Variants in LCA5 observed in about 807,000 individuals in gnomAD.
The protein encoded by LCA5 is lebercilin LCA5, also known as lebercilin.
LCA5 carries 37 observed loss-of-function variants against 53.0 expected under a neutral mutation model. That is an observed-to-expected ratio of 0.70 (90% CI 0.54 to 0.92). The LOEUF is 0.92. Among genes scored for constraint, LCA5 ranks in the 40% least tolerant of loss-of-function variants. LCA5 has a pLI of 0.00. For missense variants in LCA5, 806 were observed against 790.5 expected, an observed-to-expected ratio of 1.02 and a Z score of -0.23; for synonymous variants, 303 against 282.9, an observed-to-expected ratio of 1.07 and a Z score of -0.71.
At chr6:79,501,909 T>A (rs910774315) in intron 3 of LCA5, among the ~76,000 whole-genome samples, 2 of 151,736 alleles carry the variant, frequency 1.3e-5, no homozygotes, top group African/African-American at 4.8e-5. Flanking sequence ...TACAGATGTA[T>A]AATATATAGT....
chr6:79,533,349 G>C (rs560847185), intron 1 of LCA5, among the ~76,000 whole-genome samples: 4 of 151,986 alleles, frequency 2.6e-5, no homozygotes, highest in Admixed American at 2.0e-4. Context: ...GCAGGAGGAG[G>C]GGGGAGCGAG....
intron 2 of LCA5, 74 bp from the exon 3 acceptor site, chr6:79,513,815 G>A: frequency 1.5e-6 from 2 of 1,352,692 alleles, no homozygotes; most frequent in Non-Finnish European, 1.1e-6. Flanking sequence ...CCTAACACAA[G>A]TGGGTCCGTA....
At chr6:79,495,368 G>A (rs1400671390) in intron 3 of LCA5, among the ~76,000 whole-genome samples, 1 of 151,690 alleles carries the variant, frequency 6.6e-6, no homozygotes, top group Non-Finnish European at 1.5e-5. Context: ...TTATCCCTCT[G>A]TGTCTGTAGG....
chr6:79,494,323 A>G (rs1769922664), intron 3 of LCA5, among the ~76,000 whole-genome samples: 1 of 152,216 alleles, frequency 6.6e-6, no homozygotes, highest in Admixed American at 6.5e-5. Context: ...AAAGCTGCGG[A>G]GAGTACCTAG....
chr6:79,536,638 A>G (rs1453209684), intron 1 of LCA5, among the ~76,000 whole-genome samples: 1 of 152,170 alleles, frequency 6.6e-6, no homozygotes, highest in African/African-American at 2.4e-5. Context: ...TAGAAGTATC[A>G]CAGCCTGGAC....
chr6:79,492,098 A>T (rs1769860633), intron 5 of LCA5, among the ~76,000 whole-genome samples: 1 of 151,992 alleles, frequency 6.6e-6, no homozygotes, highest in South Asian at 2.1e-4. Flanking sequence ...AGAAAGTAAA[A>T]CTACAAATAA....
intron 3 of LCA5, among the ~76,000 whole-genome samples, chr6:79,494,347 TAGATAAAAACA>T (rs1562097192): frequency 7.2e-5 from 11 of 152,258 alleles, no homozygotes; most frequent in Middle Eastern, 3.4e-3. Flanking sequence ...AAAACATCTC[TAGATAAAAACA>T]ATAGCCATTT....
upstream of LCA5, chr6:79,537,445 C>G (rs910021224): frequency 6.6e-6 from 1 of 152,284 alleles, no homozygotes; most frequent in African/African-American, 2.4e-5. Flanking sequence ...TACGAAGAGA[C>G]CGCAGCCAAT....
At chr6:79,500,964 T>C (rs1036605932) in intron 3 of LCA5, among the ~76,000 whole-genome samples, 2 of 152,168 alleles carry the variant, frequency 1.3e-5, no homozygotes, top group African/African-American at 4.8e-5. Context: ...TTAGATGTGA[T>C]CTGACCAATA....
intron 3 of LCA5, among the ~76,000 whole-genome samples, chr6:79,509,244 C>T (rs542033615): frequency 3.3e-4 from 50 of 152,240 alleles, no homozygotes; most frequent in Middle Eastern, 3.4e-3. Context: ...CACCTGAGAT[C>T]AGGAGTTCCA....
intron 1 of LCA5, among the ~76,000 whole-genome samples, chr6:79,523,257 T>C (rs1333569645): frequency 6.6e-6 from 1 of 152,060 alleles, no homozygotes; most frequent in Non-Finnish European, 1.5e-5. Context: ...GTACTAATAT[T>C]AAAAATATAC....
At chr6:79,525,567 A>G (rs1017171485) in intron 1 of LCA5, among the ~76,000 whole-genome samples, 3 of 152,228 alleles carry the variant, frequency 2.0e-5, no homozygotes, top group Non-Finnish European at 2.9e-5. Flanking sequence ...GCCCAAATGC[A>G]GGACCTCAGG....
chr6:79,534,218 A>G (rs902445492), intron 1 of LCA5, among the ~76,000 whole-genome samples: 1 of 151,930 alleles, frequency 6.6e-6, no homozygotes, highest in Non-Finnish European at 1.5e-5. Context: ...ATTTAAAAAT[A>G]AAACAAAAAA....
chr6:79,491,803 T>C (rs1562095957), intron 5 of LCA5, 73 bp from the exon 6 acceptor site: 7 of 940,510 alleles, frequency 7.4e-6, no homozygotes, highest in Non-Finnish European at 1.1e-5. Flanking sequence ...AGCTGGCATG[T>C]ATATATATAT....
Position 79,486,886 on chromosome 6 carries a change from A to G in LCA5, c.*118T>C, listed in dbSNP as rs1769671853. ...CTTTTTAACTGCATTGTATTTAGCT[A>G]TTAAAAATCATTCCTTAATAAGGAC... On this transcript the variant is annotated 3_prime_UTR_variant, in exon 8 of 8. Coordinates refer to ENST00000369846, the MANE Select transcript of LCA5 (RefSeq NM_001122769.3). 1 of 814,044 alleles carries G rather than the reference A, an allele frequency of 1.2e-6. No homozygotes were observed. The highest frequency in any genetic ancestry group is 2.6e-5 in the Admixed American group (1 of 38,356). The allele number at this position is 814,044 out of a possible 1,614,324, so 50.4% of individuals were successfully genotyped here.
chr6:79,507,908 A>G (rs1446277690), intron 3 of LCA5, among the ~76,000 whole-genome samples: 1 of 152,188 alleles, frequency 6.6e-6, no homozygotes, highest in Non-Finnish European at 1.5e-5. Flanking sequence ...TACCCTCAGT[A>G]AACCTTATGT....
At chr6:79,519,230 A>G in intron 1 of LCA5, 145 bp from the exon 2 acceptor site, 1 of 348,032 alleles carries the variant, frequency 2.9e-6, no homozygotes. Context: ...TTTCACAGAT[A>G]AGTTACTTAC....
rs763596087 is a variant in LCA5 at position 79,486,972 on chromosome 6, T to G, written c.*32A>C. 5.2e-6 allele frequency: 8 copies of G among 1,541,686 alleles called. No homozygotes were observed. Among genetic ancestry groups the G allele is most frequent in the Non-Finnish European group, 7.1e-6 (8 of 1,128,002 alleles). ...ATACTGTATTAAAATATTTCAATATTTACAATTAGAAAAAATGTATACTCT... is the reference window on the plus strand; with the variant it reads ...ATACTGTATTAAAATATTTCAATATGTACAATTAGAAAAAATGTATACTCT... On this transcript the variant is annotated 3_prime_UTR_variant, in exon 8 of 8. Transcript: ENST00000369846.
rs2127669741 is a variant in LCA5 at position 79,493,729 on chromosome 6, G to A, written c.742C>T (p.Leu248=). 2 of 1,613,186 alleles carry A rather than the reference G, an allele frequency of 1.2e-6. No individual in the cohort carries two copies. The highest frequency in any genetic ancestry group is 1.7e-6 in the Non-Finnish European group (2 of 1,179,526). The change falls in exon 4 of 8, where the codon CTG becomes TTG. Residue 248 remains leucine, a synonymous_variant. Coordinates refer to ENST00000369846, the MANE Select transcript of LCA5 (RefSeq NM_001122769.3). ...RIKELSKNLE[L]STNSFQRQLL... ...TGTCGTTGGAAACTGTTAGTACTCA[G>A]TTCAAGGTTTTTCGATAGCTCCTAT...
Sources: gnomAD v4.1 joint callset for allele counts (sites outside exome capture counted in the v4.1 genomes callset) on GRCh38, gnomAD v4.1.1 for gene constraint, MANE v1.5 for transcripts, NCBI Gene and HGNC (gene_info 2026-07-23, HGNC 2026-07-21) for gene names.